RBM33: variants seen among roughly 807,000 people sequenced by gnomAD.
RBM33 encodes RNA binding motif protein 33.
Under a neutral mutation model 132.6 loss-of-function variants are expected in RBM33, and 28 were observed. The observed-to-expected ratio is 0.21, with a 90% CI of 0.16 to 0.29. The LOEUF (loss-of-function observed/expected upper bound fraction) is 0.29, where lower values mean the gene tolerates loss of function less well. Ranked by LOEUF, RBM33 falls within the 10% of genes least tolerant of loss-of-function variation. The pLI, the probability that RBM33 is intolerant of heterozygous loss-of-function variation, is 1.00. For missense variants in RBM33, 1,291 were observed against 1,518.5 expected (o/e 0.85, Z 2.49); for synonymous variants, 634 against 593.0 (o/e 1.07, Z -1.01).
At position 155,741,889 on chromosome 7, in the gene RBM33, A is replaced by G; in HGVS notation, c.2120A>G (p.Asn707Ser). ...CAGCCCACTGCGCCAAGGAACAGCA[A>G]TTTGCGTGAATTACCCATAGCGCCG... Reference protein sequence around the residue: ...QMQPTAPRNSNLRELPIAPSH... With the variant: ...QMQPTAPRNSSLRELPIAPSH... The change falls in exon 13 of 18, where the codon AAT becomes AGT. Residue 707 changes from asparagine to serine, a missense_variant. Physicochemically the swap from Asn to Ser is conservative, Grantham distance 46. This residue lies in a region of RBM33 where 841 missense variants were observed against 912.0 expected (regional missense o/e 0.92). Transcript: ENST00000401878. The G allele has an allele frequency of 1.9e-6, 3 of 1,613,996 alleles. No homozygotes were observed. The highest frequency in any genetic ancestry group is 2.2e-5 in the South Asian group (2 of 91,080).
intron 7 of RBM33, among the ~76,000 whole-genome samples, chr7:155,707,559 T>G (rs1800151890): frequency 6.6e-6 from 1 of 152,244 alleles, no homozygotes; most frequent in Non-Finnish European, 1.5e-5. Context: ...GTCTGTAGTT[T>G]AGGAATAAAT....
intron 14 of RBM33, among the ~76,000 whole-genome samples, chr7:155,754,386 G>C (rs6949044): frequency 0.029 from 4,403 of 152,228 alleles, 212 homozygotes; most frequent in African/African-American, 0.1. Context: ...TACAGAGCAG[G>C]TCCTTTGGAG....
intron 14 of RBM33, among the ~76,000 whole-genome samples, chr7:155,755,750 G>A (rs896475566): frequency 6.6e-6 from 1 of 152,116 alleles, no homozygotes; most frequent in Non-Finnish European, 1.5e-5. Flanking sequence ...ATATCAGTAG[G>A]TGTTTTTATC....
At chr7:155,715,712 G>A (rs563836129) in intron 8 of RBM33, among the ~76,000 whole-genome samples, 1 of 152,316 alleles carries the variant, frequency 6.6e-6, no homozygotes, top group South Asian at 2.1e-4. Context: ...GTTCTTGCTA[G>A]GTAGATAGGC....
chr7:155,694,354 T>C (rs62482824), intron 5 of RBM33, among the ~76,000 whole-genome samples: 99,884 of 152,048 alleles, frequency 0.66, 33,461 homozygotes, highest in South Asian at 0.77. Flanking sequence ...AACATAGTTA[T>C]TTAAAAAGAC....
intron 1 of RBM33, among the ~76,000 whole-genome samples, chr7:155,660,366 G>T (rs931995581): frequency 6.6e-6 from 1 of 152,142 alleles, no homozygotes. Context: ...CACTATGCTC[G>T]GCCTTGTTTC....
intron 9 of RBM33, among the ~76,000 whole-genome samples, chr7:155,718,963 T>C (rs1479168330): frequency 6.6e-6 from 1 of 152,136 alleles, no homozygotes; most frequent in Non-Finnish European, 1.5e-5. Flanking sequence ...TCTCTCTCTC[T>C]CTCTCACACA....
intron 12 of RBM33, among the ~76,000 whole-genome samples, chr7:155,741,465 G>A (rs1801333253): frequency 6.6e-6 from 1 of 152,158 alleles, no homozygotes; most frequent in African/African-American, 2.4e-5. Flanking sequence ...ATCTCTGGTG[G>A]CAGATAGAGT....
intron 2 of RBM33, among the ~76,000 whole-genome samples, chr7:155,668,984 A>G (rs1374868205): frequency 2.0e-5 from 3 of 152,134 alleles, no homozygotes; most frequent in Non-Finnish European, 4.4e-5. Flanking sequence ...AGACGGTTCT[A>G]GGTTTTATTG....
At chr7:155,769,429 G>T (rs894836884) in intron 16 of RBM33, among the ~76,000 whole-genome samples, 1 of 152,216 alleles carries the variant, frequency 6.6e-6, no homozygotes, top group East Asian at 1.9e-4. Flanking sequence ...GGCCAGGGGG[G>T]CTGCCGTCCC....
chr7:155,672,107 T>A lies in RBM33; in HGVS notation c.123-760T>A, dbSNP rs148414015. Among the ~76,000 whole-genome samples, 502 of 152,314 alleles carry A rather than the reference T, an allele frequency of 3.3e-3. 1 individual carries two copies. The highest frequency in any genetic ancestry group is 3.4e-3 in the Middle Eastern group (1 of 294). ...TCTCGTTCGTTTTTAAAATTTATTT[T>A]TTTTTTCAGTTTCTTTTGGTTTGAT... On this transcript the variant is annotated intron_variant, in intron 2 of 17. Coordinates refer to ENST00000401878, the MANE Select transcript of RBM33 (RefSeq NM_053043.3).
Position 155,711,215 on chromosome 7 carries a change from C to G in RBM33, c.961C>G (p.Pro321Ala). The change falls in exon 8 of 18, where the codon CCT becomes GCT. Residue 321 changes from proline (P) to alanine (A), a missense_variant. This residue lies in a region of RBM33 where 146 missense variants were observed against 137.1 expected (regional missense o/e 1.07). Coordinates refer to ENST00000401878, the MANE Select transcript of RBM33 (RefSeq NM_053043.3). ...TQPPVVPQAP[P>A]PPPPPPQQQP... ...AATTCCTCCACAGCCCCAGGCTCCC[C>G]CTCCACCGCCACCGCCGCCTCAGCA... The G allele has an allele frequency of 6.4e-7, 1 of 1,570,836 alleles. No homozygotes were observed. The highest frequency in any genetic ancestry group is 1.2e-5 in the South Asian group (1 of 86,202).
rs1003846545 is a variant in RBM33 at position 155,726,427 on chromosome 7, T to C, written c.1260+7984T>C. On this transcript the variant is annotated intron_variant, in intron 9 of 17. Transcript: ENST00000401878. ...AGGATTAATATAGATAAAAATCATG[T>C]AATTAACAAGAGATGCAGAAAAGTG... is the stretch of plus-strand genomic sequence containing the variant. Among the ~76,000 whole-genome samples, 25 of 152,116 alleles carry C rather than the reference T, an allele frequency of 1.6e-4. 1 individual carries two copies. The highest frequency in any genetic ancestry group is 8.8e-5 in the Non-Finnish European group (6 of 68,014).
chr7:155,720,664 T>C (rs1800595979), intron 9 of RBM33, among the ~76,000 whole-genome samples: 3 of 152,244 alleles, frequency 2.0e-5, no homozygotes, highest in South Asian at 4.1e-4. Flanking sequence ...ACCTAACTTA[T>C]GTCCTTGAAG....
chr7:155,739,110 T>C (rs1011488671), intron 11 of RBM33: 1 of 152,194 alleles, frequency 6.6e-6, no homozygotes, highest in Non-Finnish European at 1.5e-5. Flanking sequence ...GAAGATAAAA[T>C]GTTTTTAAGA....
chr7:155,664,464 C>T (rs1428032682), intron 1 of RBM33, among the ~76,000 whole-genome samples: 1 of 150,478 alleles, frequency 6.6e-6, no homozygotes, highest in East Asian at 1.9e-4. Flanking sequence ...AGAGGTGGGG[C>T]TTTGCTATGT....
At chr7:155,680,561 C>CTTTTTTTTTT (rs147986860) in intron 4 of RBM33, 29 bp from the exon 5 acceptor site, 17 of 1,097,502 alleles carry the variant, frequency 1.5e-5, no homozygotes, top group Non-Finnish European at 1.4e-5. Context: ...TCATTGGGTG[C>CTTTTTTTTTT]TTTTTTTTTT....
intron 13 of RBM33, among the ~76,000 whole-genome samples, chr7:155,744,281 T>C (rs1801445580): frequency 6.6e-6 from 1 of 152,244 alleles, no homozygotes; most frequent in East Asian, 1.9e-4. Context: ...TTTTCCCTAT[T>C]GGATGCTTTT....
Position 155,673,791 on chromosome 7 carries a change from CACACACA to C in RBM33, c.171+877_171+883del, listed in dbSNP as rs1563138148. ...GCGCACACACACACACACACACACA[CACACACA>C]CACCCCTACCAGTATATTTCGGACA... is the stretch of plus-strand genomic sequence containing the variant. On this transcript the variant is annotated intron_variant, in intron 3 of 17. Transcript: ENST00000401878. Among the ~76,000 whole-genome samples the C allele has an allele frequency of 1.5e-3, 216 of 144,714 alleles. 4 individuals carry two copies. The highest frequency in any genetic ancestry group is 5.9e-3 in the African/African-American group (209 of 35,294). 94.9% of individuals were successfully genotyped at this position (144,714 alleles called of 152,430 possible). A position where few individuals can be genotyped will look rare whatever the true frequency, so the allele number is the denominator to read the frequency against.
Sources: allele counts gnomAD v4.1 joint callset (sites outside exome capture counted in the v4.1 genomes callset), GRCh38; gene constraint gnomAD v4.1.1; regional missense constraint gnomAD v4.1.1; transcripts MANE v1.5; gene names NCBI Gene and HGNC (gene_info 2026-07-23, HGNC 2026-07-21).